Variants in EVL observed in about 807,000 individuals in gnomAD.
The protein encoded by EVL is ena/VASP-like protein.
A neutral mutation model predicts 59.6 loss-of-function variants in EVL; 21 were observed. That is an observed-to-expected ratio of 0.35 (90% confidence interval 0.25 to 0.51). EVL has a LOEUF of 0.51. Ranked by LOEUF, EVL falls within the 20% of genes least tolerant of loss-of-function variation. The pLI is 0.97. For synonymous variants in EVL, 198 were observed against 203.5 expected (o/e 0.97, Z 0.23); for missense variants, 462 against 546.6 (o/e 0.85, Z 1.54).
In EVL at chr14:100,114,417, G is replaced by A. The variant is rs1887198428; in HGVS notation, c.359-9122G>A. 1.3e-5 allele frequency: 2 copies of A among 152,450 alleles called. No individual in the cohort carries two copies. 9.4% of individuals were successfully genotyped at this position (152,450 alleles called of 1,614,324 possible). On this transcript the variant is annotated intron_variant, in intron 3 of 13. Coordinates refer to ENST00000392920, the MANE Select transcript of EVL (RefSeq NM_016337.3). The surrounding 1 kb of genome is among the most constrained non-coding windows in gnomAD (Gnocchi z 5.0). ...GCCTGTGAGCTGAGCCCCACAAGGG[G>A]TCTGGACAGTCCTCCAGGGCCAGGG...
chr14:100,025,383 G>A (rs2061193038), intron 1 of EVL, among the ~76,000 whole-genome samples: 1 of 152,146 alleles, frequency 6.6e-6, no homozygotes, highest in South Asian at 2.1e-4. Flanking sequence ...GACAGTCTCT[G>A]CCTGGATTGC....
chr14:100,000,968 AATTAT>A (rs1164781623), intron 1 of EVL, among the ~76,000 whole-genome samples: 20 of 152,232 alleles, frequency 1.3e-4, no homozygotes, highest in African/African-American at 4.8e-4. Flanking sequence ...AGTTATTAGG[AATTAT>A]ATTAATAGAA....
chr14:99,973,327 G>A (rs1282428151), intron 1 of EVL, among the ~76,000 whole-genome samples: 1 of 152,218 alleles, frequency 6.6e-6, no homozygotes. Flanking sequence ...CCATTCTGGT[G>A]ATTATGAAAT....
At chr14:99,994,112 C>CTTTTTTTTTTTTT (rs751533422) in intron 1 of EVL, among the ~76,000 whole-genome samples, 15 of 55,170 alleles carry the variant, frequency 2.7e-4, no homozygotes, top group African/African-American at 5.3e-4. Flanking sequence ...AGCCTTTTGG[C>CTTTTTTTTTTTTT]TTTTTTTTTT....
At chr14:100,019,015 A>G (rs1208511517) in intron 1 of EVL, among the ~76,000 whole-genome samples, 1 of 152,248 alleles carries the variant, frequency 6.6e-6, no homozygotes. Flanking sequence ...AAGGAGTGAC[A>G]TGTAAGGTCA....
intron 1 of EVL, among the ~76,000 whole-genome samples, chr14:100,005,632 C>G (rs963041050): frequency 1.5e-5 from 1 of 65,180 alleles, no homozygotes; most frequent in Non-Finnish European, 3.1e-5. Context: ...CTTTTAAATA[C>G]ACACACACAC....
chr14:100,029,594 G>A (rs1566975332), intron 1 of EVL, among the ~76,000 whole-genome samples: 5 of 152,172 alleles, frequency 3.3e-5, no homozygotes, highest in Admixed American at 2.6e-4. Context: ...TACAGATAAC[G>A]TGCTGTGGCC....
intron 1 of EVL, among the ~76,000 whole-genome samples, chr14:100,022,068 A>G (rs754846694): frequency 4.6e-5 from 7 of 152,134 alleles, no homozygotes; most frequent in Non-Finnish European, 8.8e-5. Context: ...GATTCTCACC[A>G]AGAAACTCCA....
At chr14:100,138,063 G>T in intron 11 of EVL, 1 of 577,994 alleles carries the variant, frequency 1.7e-6, no homozygotes, top group Non-Finnish European at 3.1e-6. Flanking sequence ...CCAACATGGA[G>T]TCCCAGCTCT....
chr14:100,141,340 G>T (rs1358293717), intron 12 of EVL, 94 bp downstream of exon 12: 1 of 1,407,584 alleles, frequency 7.1e-7, no homozygotes, highest in Non-Finnish European at 9.8e-7. Flanking sequence ...GGCCCTGGGG[G>T]CCCACATGTA....
In EVL at chr14:100,096,210, G is replaced by A. The variant is rs1885799964; in HGVS notation, c.181-1271G>A. 2.6e-5 allele frequency among the ~76,000 whole-genome samples: 4 copies of A among 152,336 alleles called. No individual in the cohort carries two copies. In the South Asian group the frequency reaches 8.3e-4, roughly 32 times the overall value. ...TTATCCAGCAGCACAGCAGTGTGGA[G>A]CAATAAAGGAAAGTGATAAATCAGC... On this transcript the variant is annotated intron_variant, in intron 2 of 13. Coordinates refer to ENST00000392920, the MANE Select transcript of EVL (RefSeq NM_016337.3).
intron 1 of EVL, chr14:100,019,420 C>T (rs921053409): frequency 1.9e-6 from 1 of 517,258 alleles, no homozygotes; most frequent in African/African-American, 2.0e-5. Flanking sequence ...CTGCATTAAT[C>T]AGACTTGCTG....
At chr14:100,137,384 G>A (rs1888865468) in intron 9 of EVL, 194 bp from the exon 10 acceptor site, 6 of 612,162 alleles carry the variant, frequency 9.8e-6, no homozygotes, top group South Asian at 9.4e-5. Context: ...CACAGGTCAG[G>A]GTCAACCTGA....
intron 1 of EVL, among the ~76,000 whole-genome samples, chr14:100,080,602 G>T (rs1051538206): frequency 1.3e-5 from 2 of 152,318 alleles, no homozygotes; most frequent in African/African-American, 2.4e-5. Flanking sequence ...GAAATTACAG[G>T]TGCAGATTAT....
chr14:100,005,629 A>C (rs1399970936), intron 1 of EVL, among the ~76,000 whole-genome samples: 3 of 122,482 alleles, frequency 2.4e-5, no homozygotes, highest in African/African-American at 1.0e-4. Flanking sequence ...GGCCTTTTAA[A>C]TACACACACA....
At chr14:100,023,371 A>ATTTTTTTT (rs1010647617) in intron 1 of EVL, among the ~76,000 whole-genome samples, 2 of 90,766 alleles carry the variant, frequency 2.2e-5, no homozygotes, top group African/African-American at 4.9e-5. Context: ...AGCCCGGCTA[A>ATTTTTTTT]TTTTTTTTTT....
intron 3 of EVL, among the ~76,000 whole-genome samples, chr14:100,099,541 A>C (rs1468622313): frequency 6.6e-6 from 1 of 152,164 alleles, no homozygotes; most frequent in Non-Finnish European, 1.5e-5. Context: ...TCTGCTTAGT[A>C]CTTGGAGAGC....
intron 2 of EVL, chr14:100,085,231 A>G (rs1277226048): frequency 2.5e-5 from 4 of 163,224 alleles, no homozygotes; most frequent in African/African-American, 9.6e-5. Context: ...TCAACCTTCT[A>G]AGTCTTACTT....
At chr14:99,977,231 A>G (rs2060776226) in intron 1 of EVL, 1 of 152,176 alleles carries the variant, frequency 6.6e-6, no homozygotes, top group Non-Finnish European at 1.5e-5. Flanking sequence ...CTCTTAATAA[A>G]TAATTAATTG....
Sources: allele counts gnomAD v4.1 joint callset (sites outside exome capture counted in the v4.1 genomes callset), GRCh38; gene constraint gnomAD v4.1.1; non-coding constraint Gnocchi (gnomAD v3.1); transcripts MANE v1.5; gene names NCBI Gene and HGNC (gene_info 2026-07-23, HGNC 2026-07-21).